The following CAMTA1 variants were observed in gnomAD, a reference collection of about 807,000 sequenced individuals.
CAMTA1 encodes the protein calmodulin-binding transcription activator 1.
Under a neutral mutation model 170.9 loss-of-function variants are expected in CAMTA1, and 27 were observed. The ratio of observed to expected loss-of-function variants is 0.16; its 90% CI spans 0.12 to 0.22. The LOEUF (loss-of-function observed/expected upper bound fraction) is 0.22. Among genes scored for constraint, CAMTA1 ranks in the 10% least tolerant of loss-of-function variants. The probability of loss-of-function intolerance (pLI) is 1.00; values close to 1 mark genes in which losing one functional copy is unlikely to be tolerated. For synonymous variants in CAMTA1, 833 were observed against 891.5 expected (o/e 0.93, Z 1.17); for missense variants, 1,619 against 2,217.2 (o/e 0.73, Z 5.42).
chr1:6,877,050 G>A (rs1670096031), intron 3 of CAMTA1, among the ~76,000 whole-genome samples: 1 of 152,196 alleles, frequency 6.6e-6, no homozygotes, highest in Non-Finnish European at 1.5e-5. Context: ...CTCCAGGCCA[G>A]GACTTGCCTC....
chr1:7,130,384 A>G (rs1645181896), intron 4 of CAMTA1, among the ~76,000 whole-genome samples: 1 of 152,186 alleles, frequency 6.6e-6, no homozygotes, highest in African/African-American at 2.4e-5. Context: ...GTTCGTGCAT[A>G]GATTATTTTC....
chr1:7,603,428 A>G (rs2095462215), intron 6 of CAMTA1, among the ~76,000 whole-genome samples: 1 of 152,156 alleles, frequency 6.6e-6, no homozygotes. Flanking sequence ...TCCCTTTACC[A>G]TTATGTAATG....
intron 22 of CAMTA1, among the ~76,000 whole-genome samples, chr1:7,765,780 C>A (rs1172944483): frequency 6.6e-6 from 1 of 152,150 alleles, no homozygotes; most frequent in Non-Finnish European, 1.5e-5. Flanking sequence ...GTAATCCCAG[C>A]ACTTTGGGAG....
chr1:7,359,967 T>C (rs530175623), intron 5 of CAMTA1, among the ~76,000 whole-genome samples: 1 of 152,138 alleles, frequency 6.6e-6, no homozygotes, highest in African/African-American at 2.4e-5. Context: ...TGGTTTCTTC[T>C]GAGGCTGGGA....
At chr1:7,075,454 C>G (rs1639166157) in intron 3 of CAMTA1, among the ~76,000 whole-genome samples, 1 of 152,164 alleles carries the variant, frequency 6.6e-6, no homozygotes, top group Non-Finnish European at 1.5e-5. Flanking sequence ...GGTTTCAGGA[C>G]TCACTGGTTA....
chr1:7,374,587 A>G (rs1032994959), intron 5 of CAMTA1, among the ~76,000 whole-genome samples: 1 of 152,218 alleles, frequency 6.6e-6, no homozygotes, highest in Non-Finnish European at 1.5e-5. Flanking sequence ...GAACAGATTA[A>G]TGGCTCTAGA....
chr1:6,914,102 C>CTTTTTTTT (rs35814913), intron 3 of CAMTA1, among the ~76,000 whole-genome samples: 104 of 121,984 alleles, frequency 8.5e-4, no homozygotes, highest in Non-Finnish European at 9.7e-4. Flanking sequence ...GGGCTCATCT[C>CTTTTTTTT]TTTTTTTTTT....
At position 7,682,367 on chromosome 1, in the gene CAMTA1, G is replaced by C. The variant is rs943566625; in HGVS notation, c.2914+4634G>C. Reference sequence around the variant, plus strand: ...CAGCCTGGCCCTGGGGTAGGTGTCTGGGAAGACTGAGAGCCTCGCTCCTGT... The same window carrying C: ...CAGCCTGGCCCTGGGGTAGGTGTCTCGGAAGACTGAGAGCCTCGCTCCTGT... On this transcript the variant is annotated intron_variant, in intron 11 of 22. Transcript: ENST00000303635. The surrounding 1 kb of genome is among the most constrained non-coding windows in gnomAD (Gnocchi z 5.0). Among the ~76,000 whole-genome samples, 22 of 152,232 alleles carry C rather than the reference G, an allele frequency of 1.4e-4. No individual in the cohort carries two copies. The highest frequency in any genetic ancestry group is 1.4e-3 in the Admixed American group (21 of 15,286).
intron 5 of CAMTA1, among the ~76,000 whole-genome samples, chr1:7,256,475 G>A (rs770611784): frequency 1.3e-4 from 20 of 152,334 alleles, no homozygotes; most frequent in Non-Finnish European, 1.8e-4. Context: ...CAGGAGAATG[G>A]CGTGAACCCG....
intron 3 of CAMTA1, among the ~76,000 whole-genome samples, chr1:6,959,458 TGTCA>T (rs1240568236): frequency 2.6e-5 from 4 of 151,864 alleles, no homozygotes; most frequent in Admixed American, 6.6e-5. Context: ...GTAATCAGAT[TGTCA>T]GTCAGTGTTT....
intron 4 of CAMTA1, among the ~76,000 whole-genome samples, chr1:7,094,737 G>T (rs564049914): frequency 1.8e-4 from 27 of 152,286 alleles, no homozygotes; most frequent in African/African-American, 6.5e-4. Flanking sequence ...GGGGGCAGCC[G>T]CGGTATCGCA....
At chr1:7,285,075 C>T (rs556451090) in intron 5 of CAMTA1, among the ~76,000 whole-genome samples, 19 of 152,284 alleles carry the variant, frequency 1.2e-4, no homozygotes, top group Middle Eastern at 3.4e-3. Context: ...CCTTTTGGTC[C>T]GGCGGCCCCA....
At chr1:6,960,501 G>A (rs905609853) in intron 3 of CAMTA1, among the ~76,000 whole-genome samples, 10 of 152,174 alleles carry the variant, frequency 6.6e-5, no homozygotes, top group Non-Finnish European at 2.9e-5. Context: ...ATTTAGTTCT[G>A]TGGAGAGCTC....
intron 22 of CAMTA1, among the ~76,000 whole-genome samples, chr1:7,757,701 A>C (rs1259115032): frequency 1.3e-5 from 2 of 152,078 alleles, no homozygotes; most frequent in African/African-American, 2.4e-5. Context: ...GTGCCACTGC[A>C]CTCCAGCCTG....
chr1:6,916,420 G>C (rs375557984), intron 3 of CAMTA1, among the ~76,000 whole-genome samples: 46 of 151,406 alleles, frequency 3.0e-4, no homozygotes, highest in African/African-American at 9.7e-4. Context: ...ACTGCTTTCC[G>C]AGTTTCTGCA....
intron 22 of CAMTA1, among the ~76,000 whole-genome samples, chr1:7,757,808 A>G (rs2096942076): frequency 6.6e-6 from 1 of 152,238 alleles, no homozygotes; most frequent in African/African-American, 2.4e-5. Context: ...ATTTAAAACT[A>G]TAAATAATTG....
intron 6 of CAMTA1, among the ~76,000 whole-genome samples, chr1:7,607,376 T>A (rs2095494353): frequency 6.7e-6 from 1 of 150,272 alleles, no homozygotes; most frequent in Non-Finnish European, 1.5e-5. Context: ...GGTAGATGGA[T>A]GGATGGGTGA....
chr1:6,983,931 G>C (rs964045004), intron 3 of CAMTA1, among the ~76,000 whole-genome samples: 2 of 140,458 alleles, frequency 1.4e-5, no homozygotes, highest in Non-Finnish European at 3.1e-5. Context: ...TAAATGGGTG[G>C]ATGGGTGGGT....
rs577930638 is a variant in CAMTA1, at chr1:7,293,471, T to C, written c.438+43845T>C. Among the ~76,000 whole-genome samples, 1 of 152,318 alleles carries C rather than the reference T, an allele frequency of 6.6e-6. No individual in the cohort carries two copies. Among genetic ancestry groups the C allele is most frequent in the East Asian group, 1.9e-4 (1 of 5,170 alleles). On this transcript the variant is annotated intron_variant, in intron 5 of 22. Coordinates refer to ENST00000303635, the MANE Select transcript of CAMTA1 (RefSeq NM_015215.4). This position sits in a 1 kb window ranked among gnomAD's most constrained non-coding sequence, Gnocchi z 4.1. ...GATTTATAGAGTACATGGGGTGTTG[T>C]GGGGCAGAGGCCCGGATGGCTCCAT...
Sources: gnomAD v4.1 joint callset for allele counts (sites outside exome capture counted in the v4.1 genomes callset) on GRCh38, gnomAD v4.1.1 for gene constraint, Gnocchi (gnomAD v3.1) non-coding constraint, MANE v1.5 for transcripts, NCBI Gene and HGNC (gene_info 2026-07-23, HGNC 2026-07-21) for gene names.